The following PCDHA5 variants were observed in gnomAD, a reference collection of about 807,000 sequenced individuals.
PCDHA5 encodes the protein protocadherin alpha-5.
PCDHA5 carries 43 observed loss-of-function variants against 61.6 expected under a neutral mutation model. That is an observed-to-expected ratio of 0.70 (90% CI 0.55 to 0.90). PCDHA5 has a LOEUF of 0.90. PCDHA5 is among the 40% of genes least tolerant of loss of function. The pLI is 0.00. For missense variants in PCDHA5, 1,298 were observed against 1,222.7 expected, an observed-to-expected ratio of 1.06 and a Z score of -0.92; for synonymous variants, 627 against 543.9, an observed-to-expected ratio of 1.15 and a Z score of -2.13.
chr5:140,829,838 C>G, intron 1 of PCDHA5: 2 of 1,613,924 alleles, frequency 1.2e-6, no homozygotes, highest in Non-Finnish European at 8.5e-7. Context: ...GCTGGTGCCG[C>G]GGTCACTGGG....
rs139807581 is a variant in PCDHA5, at chr5:140,835,502, C to T, written c.2352+11375C>T. ...CAGGTACCGTCATCACATTGATTAG[C>T]GTGTTTGACCGAGATTTTGGAGTCA... is the stretch of plus-strand genomic sequence containing the variant. On this transcript the variant is annotated intron_variant, in intron 1 of 3. Transcript: ENST00000529859. 113 of 1,613,806 alleles carry T rather than the reference C, an allele frequency of 7.0e-5. 1 individual carries two copies. Among genetic ancestry groups the T allele is most frequent in the Non-Finnish European group, 8.7e-5 (103 of 1,179,880 alleles).
chr5:140,846,051 C>T lies in PCDHA5; in HGVS notation c.2352+21924C>T, dbSNP rs2150384133. Among the ~76,000 whole-genome samples the T allele has an allele frequency of 2.0e-5, 3 of 149,742 alleles. No individual in the cohort carries two copies. In the South Asian group the frequency reaches 6.3e-4, roughly 32 times the overall value. ...TTTAGGAAAGTCAAGTTAACACCAC[C>T]TATGTGGGAAAACAGTTTTTTGGAA... On this transcript the variant is annotated intron_variant, in intron 1 of 3. Coordinates refer to ENST00000529859, the MANE Select transcript of PCDHA5 (RefSeq NM_018908.3).
rs188637090 is a variant in PCDHA5 at position 140,876,765 on chromosome 5, C to T, written c.2352+52638C>T. 1,055 of 1,614,234 alleles carry T rather than the reference C, an allele frequency of 6.5e-4. 5 individuals are homozygous for T. The African/African-American group carries it at 0.01, about 15-fold the overall frequency. ...TGGTGGTGACTGCGCGGGATGGGGG[C>T]TCGCCTTCGCTGTGGGCCACGGCTA... On this transcript the variant is annotated intron_variant, in intron 1 of 3. Transcript: ENST00000529859.
intron 1 of PCDHA5, chr5:140,860,340 C>G (rs981702671): frequency 6.6e-6 from 1 of 151,936 alleles, no homozygotes; most frequent in Admixed American, 6.6e-5. Context: ...ATGATTGTGC[C>G]ACTGCACTCC....
chr5:140,902,171 A>T, intron 1 of PCDHA5, among the ~76,000 whole-genome samples: 1 of 144,502 alleles, frequency 6.9e-6, no homozygotes, highest in Non-Finnish European at 1.5e-5. Flanking sequence ...TCTAATTTGG[A>T]TGTCCTTTAT....
intron 1 of PCDHA5, among the ~76,000 whole-genome samples, chr5:140,889,267 A>T (rs1376262292): frequency 6.6e-6 from 1 of 151,966 alleles, no homozygotes; most frequent in Non-Finnish European, 1.5e-5. Context: ...AAGTTTGTAT[A>T]ATCTTTGAAT....
intron 1 of PCDHA5, chr5:140,851,839 C>A (rs1452848183): frequency 2.1e-6 from 2 of 969,740 alleles, no homozygotes; most frequent in East Asian, 1.1e-4. Context: ...TTAAAAATAT[C>A]TTTTTCTCCT....
At chr5:140,942,434 T>C (rs2093297092) in intron 1 of PCDHA5, among the ~76,000 whole-genome samples, 1 of 151,244 alleles carries the variant, frequency 6.6e-6, no homozygotes, top group African/African-American at 2.4e-5. Flanking sequence ...TATCTAACAA[T>C]AAACAAGTAA....
intron 1 of PCDHA5, among the ~76,000 whole-genome samples, chr5:140,926,169 G>C (rs1212199081): frequency 6.6e-6 from 1 of 151,734 alleles, no homozygotes; most frequent in Non-Finnish European, 1.5e-5. Flanking sequence ...GCAGGATCCA[G>C]CGCGGAAAGC....
chr5:140,908,824 C>T (rs1199416548), intron 1 of PCDHA5, among the ~76,000 whole-genome samples: 1 of 152,082 alleles, frequency 6.6e-6, no homozygotes, highest in African/African-American at 2.4e-5. Flanking sequence ...TTGGGTTACT[C>T]GATAAATGGG....
chr5:140,918,425 T>A (rs1402096329), intron 1 of PCDHA5, among the ~76,000 whole-genome samples: 1 of 152,200 alleles, frequency 6.6e-6, no homozygotes, highest in Non-Finnish European at 1.5e-5. Flanking sequence ...TCCAGTAGGA[T>A]GTTGAATAGG....
Position 140,823,814 on chromosome 5 carries a change from G to C in PCDHA5, c.2039G>C (p.Arg680Pro), listed in dbSNP as rs782047530. ...ESGQAPKASS[R>P]ASAGAVGPEA... Reference sequence around the variant, plus strand: ...GGCCAGGCGCCGAAGGCCTCATCGCGGGCGTCGGCGGGCGCTGTGGGTCCC... The same window carrying C: ...GGCCAGGCGCCGAAGGCCTCATCGCCGGCGTCGGCGGGCGCTGTGGGTCCC... Residue 680 changes from arginine to proline, a missense_variant, in exon 1 of 4, where the codon CGG becomes CCG. Physicochemically the swap from Arg to Pro is moderately radical, Grantham distance 103 (BLOSUM62 -2). Transcript: ENST00000529859. 4 of 1,613,762 alleles carry C rather than the reference G, an allele frequency of 2.5e-6. No homozygotes were observed. Among genetic ancestry groups the C allele is most frequent in the Non-Finnish European group, 3.4e-6 (4 of 1,179,888 alleles).
At chr5:140,828,783 C>G (rs2150158892) in intron 1 of PCDHA5, 14 of 1,614,164 alleles carry the variant, frequency 8.7e-6, no homozygotes, top group Non-Finnish European at 1.1e-5. Context: ...CTGCTGGTCA[C>G]AGTGCTGGAT....
At chr5:140,870,465 C>A in intron 1 of PCDHA5, 1 of 1,614,208 alleles carries the variant, frequency 6.2e-7, no homozygotes, top group Non-Finnish European at 8.5e-7. Flanking sequence ...CGCCTGCGTT[C>A]GCACAGCCCG....
intron 1 of PCDHA5, among the ~76,000 whole-genome samples, chr5:140,942,387 G>A (rs1398449068): frequency 1.3e-5 from 2 of 151,808 alleles, no homozygotes; most frequent in Admixed American, 1.3e-4. Context: ...ATTCCAGCCT[G>A]GGCGACAGAT....
intron 3 of PCDHA5, among the ~76,000 whole-genome samples, chr5:140,994,117 G>A (rs889813029): frequency 2.6e-5 from 4 of 152,198 alleles, no homozygotes; most frequent in Admixed American, 6.5e-5. Flanking sequence ...ATTGTCATGT[G>A]ATAAGGGCGA....
chr5:140,993,460 T>TCACACACA (rs1554253699), intron 3 of PCDHA5, among the ~76,000 whole-genome samples: 14 of 104,506 alleles, frequency 1.3e-4, no homozygotes, highest in African/African-American at 2.4e-4. Flanking sequence ...CTTCTTTCTT[T>TCACACACA]CTCACACACA....
At chr5:140,844,253 T>C (rs1269876279) in intron 1 of PCDHA5, among the ~76,000 whole-genome samples, 1 of 149,786 alleles carries the variant, frequency 6.7e-6, no homozygotes, top group Admixed American at 6.7e-5. Context: ...TTTTAAGCAG[T>C]GTAGTGATAA....
At chr5:140,935,486 A>C (rs1554210536) in intron 1 of PCDHA5, among the ~76,000 whole-genome samples, 1 of 152,228 alleles carries the variant, frequency 6.6e-6, no homozygotes, top group East Asian at 1.9e-4. Context: ...CTTTTCATTT[A>C]TAAGGCACAT....
Sources: allele counts gnomAD v4.1 joint callset (sites outside exome capture counted in the v4.1 genomes callset), GRCh38; gene constraint gnomAD v4.1.1; transcripts MANE v1.5; gene names NCBI Gene and HGNC (gene_info 2026-07-23, HGNC 2026-07-21).